Variants in FAM83B observed in about 807,000 individuals in gnomAD.
The protein encoded by FAM83B is scaffolding CK1 anchoring protein B, also known as protein FAM83B.
Under a neutral mutation model 38.8 loss-of-function variants are expected in FAM83B, and 26 were observed. That is an observed-to-expected ratio of 0.67 (90% CI 0.49 to 0.93). The LOEUF (loss-of-function observed/expected upper bound fraction) is 0.93, where lower values mean the gene tolerates loss of function less well. Ranked by LOEUF, FAM83B falls within the 40% of genes least tolerant of loss-of-function variation. FAM83B has a pLI of 0.00. For synonymous variants in FAM83B, 419 were observed against 423.1 expected, an observed-to-expected ratio of 0.99 and a Z score of 0.12; for missense variants, 1,237 against 1,197.3, an observed-to-expected ratio of 1.03 and a Z score of -0.49.
intron 2 of FAM83B, 50 bp downstream of exon 2, chr6:54,870,740 T>C: frequency 6.8e-7 from 1 of 1,468,314 alleles, no homozygotes; most frequent in East Asian, 2.3e-5. Flanking sequence ...TGTAGAAAAG[T>C]AGAGAGAGTA....
chr6:54,939,589 T>A (rs1224202202), intron 4 of FAM83B, 117 bp from the exon 5 acceptor site: 1 of 942,928 alleles, frequency 1.1e-6, no homozygotes, highest in African/African-American at 1.7e-5. Flanking sequence ...ATATTCTAAA[T>A]AATGATAGCC....
At chr6:54,855,312 G>A (rs1214756120) in intron 1 of FAM83B, among the ~76,000 whole-genome samples, 1 of 152,156 alleles carries the variant, frequency 6.6e-6, no homozygotes, top group African/African-American at 2.4e-5. Context: ...AAAGAGCTAA[G>A]TAGGAGATCA....
intron 2 of FAM83B, among the ~76,000 whole-genome samples, chr6:54,885,538 G>T (rs549986864): frequency 6.6e-6 from 1 of 151,916 alleles, no homozygotes; most frequent in Non-Finnish European, 1.5e-5. Flanking sequence ...GGATTTTCTA[G>T]ATATATTATC....
At position 54,940,462 on chromosome 6, in the gene FAM83B, T is replaced by C. The variant is rs1773646194; in HGVS notation, c.1491T>C (p.Ile497=). The C allele has an allele frequency of 6.2e-7, 1 of 1,613,952 alleles. No homozygotes were observed. The highest frequency in any genetic ancestry group is 8.5e-7 in the Non-Finnish European group (1 of 1,180,018). ...AGTCATTCCTACGTAACTGGAGAAT[T>C]GAATCCTACTTAAATGATCATTCAG... The part of the protein sequence containing the change: ...TTKSFLRNWR[I]ESYLNDHSEA... The change falls in exon 5 of 5, where the codon ATT becomes ATC. Residue 497 remains isoleucine, a synonymous_variant. Transcript: ENST00000306858.
rs552508963 is a variant in FAM83B at position 54,870,094 on chromosome 6, G to A, written c.-60-93G>A. 162 of 606,798 alleles carry A rather than the reference G, an allele frequency of 2.7e-4. No homozygotes were observed. The Middle Eastern group carries it at 4.0e-3, about 15-fold the overall frequency. The allele number at this position is 606,798 out of a possible 1,614,324, so 37.6% of individuals were successfully genotyped here. On this transcript the variant is annotated intron_variant, in intron 1 of 4. Coordinates refer to ENST00000306858, the MANE Select transcript of FAM83B (RefSeq NM_001010872.3). ...ATTTTGAGCTTCTGGTAATGGAAAT[G>A]TGTAAATGAAAAAATAATAGTTGAT...
chr6:54,897,695 A>T lies in FAM83B; in HGVS notation c.444+27005A>T, dbSNP rs945937087. ...CTGGTAAGATGATTCAGTAAAAAAG[A>T]AATTTAAACAACATGAAGATATCTA... On this transcript the variant is annotated intron_variant, in intron 2 of 4. Coordinates refer to ENST00000306858, the MANE Select transcript of FAM83B (RefSeq NM_001010872.3). 3.3e-5 allele frequency among the ~76,000 whole-genome samples: 5 copies of T among 152,234 alleles called. 1 individual carries two copies. Among genetic ancestry groups the T allele is most frequent in the African/African-American group, 1.2e-4 (5 of 41,478 alleles).
rs918447270 is a variant in FAM83B, at chr6:54,903,798, GT to G, written c.445-22566del. Among the ~76,000 whole-genome samples the G allele has an allele frequency of 5.9e-4, 89 of 151,122 alleles. 2 individuals are homozygous for G. Among genetic ancestry groups the G allele is most frequent in the African/African-American group, 2.1e-3 (86 of 41,122 alleles). On this transcript the variant is annotated intron_variant, in intron 2 of 4. Transcript: ENST00000306858. ...ATACTATTTTATTCTAGCATAATAG[GT>G]TTTTTTAATTACTTTTTTCTCTGAC...
chr6:54,919,745 C>A (rs1773129745), intron 2 of FAM83B, among the ~76,000 whole-genome samples: 1 of 151,852 alleles, frequency 6.6e-6, no homozygotes, highest in African/African-American at 2.4e-5. Flanking sequence ...AAATGAAACC[C>A]TGTAATACTC....
chr6:54,893,640 A>G (rs1772454494), intron 2 of FAM83B, among the ~76,000 whole-genome samples: 3 of 152,174 alleles, frequency 2.0e-5, no homozygotes, highest in African/African-American at 7.2e-5. Flanking sequence ...ATTCTACTAC[A>G]TTAAGTTGTA....
intron 1 of FAM83B, among the ~76,000 whole-genome samples, chr6:54,849,375 C>G (rs1310091704): frequency 6.6e-6 from 1 of 151,894 alleles, no homozygotes; most frequent in African/African-American, 2.4e-5. Flanking sequence ...CTGTGGGCTC[C>G]TGAGACAAGA....
At chr6:54,910,433 T>C (rs1386641531) in intron 2 of FAM83B, among the ~76,000 whole-genome samples, 1 of 152,210 alleles carries the variant, frequency 6.6e-6, no homozygotes, top group Non-Finnish European at 1.5e-5. Context: ...TTTCCATGCT[T>C]CTCTGCCCTT....
At chr6:54,898,664 C>T (rs73742862) in intron 2 of FAM83B, among the ~76,000 whole-genome samples, 3,282 of 152,248 alleles carry the variant, frequency 0.022, 120 homozygotes, top group African/African-American at 0.073. Flanking sequence ...ACTCATTCAA[C>T]ATAGTAACAT....
intron 2 of FAM83B, among the ~76,000 whole-genome samples, chr6:54,922,606 A>G (rs1246041671): frequency 6.6e-6 from 1 of 152,038 alleles, no homozygotes; most frequent in African/African-American, 2.4e-5. Context: ...ATTTATAAAT[A>G]AGAAAAAGGT....
chr6:54,853,004 A>G (rs942523414), intron 1 of FAM83B, among the ~76,000 whole-genome samples: 8 of 152,134 alleles, frequency 5.3e-5, no homozygotes, highest in Non-Finnish European at 7.3e-5. Flanking sequence ...AGCCCAAGAC[A>G]ATCCTTTTTG....
chr6:54,883,306 A>C (rs1332687349), intron 2 of FAM83B, among the ~76,000 whole-genome samples: 1 of 143,740 alleles, frequency 7.0e-6, no homozygotes, highest in African/African-American at 2.6e-5. Flanking sequence ...CATAGGACCC[A>C]TGATTTTTTA....
chr6:54,933,666 CCA>C (rs1161657005), intron 4 of FAM83B, among the ~76,000 whole-genome samples: 1 of 152,120 alleles, frequency 6.6e-6, no homozygotes, highest in Admixed American at 6.6e-5. Context: ...TTCAGCCCAG[CCA>C]CAGATTCTAG....
At chr6:54,856,293 C>G (rs1044381933) in intron 1 of FAM83B, among the ~76,000 whole-genome samples, 2 of 152,186 alleles carry the variant, frequency 1.3e-5, no homozygotes, top group African/African-American at 2.4e-5. Context: ...TCCCTCTCCC[C>G]CACTGTTATG....
chr6:54,905,795 T>A (rs879505261), intron 2 of FAM83B, among the ~76,000 whole-genome samples: 26 of 138,374 alleles, frequency 1.9e-4, no homozygotes, highest in Non-Finnish European at 2.7e-4. Context: ...AGGATCATAA[T>A]CTTTTATGAT....
intron 1 of FAM83B, among the ~76,000 whole-genome samples, chr6:54,847,066 G>A (rs1462207245): frequency 6.6e-6 from 1 of 152,166 alleles, no homozygotes; most frequent in Non-Finnish European, 1.5e-5. Flanking sequence ...GTGGGGGTTC[G>A]AGTGAGTTGA....
Sources: gnomAD v4.1 joint callset for allele counts (sites outside exome capture counted in the v4.1 genomes callset) on GRCh38, gnomAD v4.1.1 for gene constraint, MANE v1.5 for transcripts, NCBI Gene and HGNC (gene_info 2026-07-23, HGNC 2026-07-21) for gene names.